Variants in HOOK3 observed in about 807,000 individuals in gnomAD.
HOOK3 encodes protein Hook homolog 3.
A neutral mutation model predicts 116.3 loss-of-function variants in HOOK3; 24 were observed. The ratio of observed to expected loss-of-function variants is 0.21; its 90% CI spans 0.15 to 0.29. The LOEUF is 0.29. Among genes scored for constraint, HOOK3 ranks in the 10% least tolerant of loss-of-function variants. HOOK3 has a pLI of 1.00. For synonymous variants in HOOK3, 275 were observed against 283.0 expected (o/e 0.97, Z 0.28); for missense variants, 632 against 830.2 (o/e 0.76, Z 2.93).
intron 15 of HOOK3, among the ~76,000 whole-genome samples, chr8:42,990,060 G>A (rs1809128290): frequency 6.6e-6 from 1 of 151,712 alleles, no homozygotes; most frequent in Non-Finnish European, 1.5e-5. Context: ...GCAGTGGTAT[G>A]ATCACAGCTC....
At chr8:43,011,322 T>A (rs1281177176) in intron 19 of HOOK3, among the ~76,000 whole-genome samples, 1 of 152,118 alleles carries the variant, frequency 6.6e-6, no homozygotes, top group Non-Finnish European at 1.5e-5. Context: ...CAGATGATAA[T>A]GCTTTGTGAT....
intron 15 of HOOK3, among the ~76,000 whole-genome samples, chr8:42,990,606 G>T (rs775985296): frequency 6.6e-6 from 1 of 152,010 alleles, no homozygotes; most frequent in Non-Finnish European, 1.5e-5. Context: ...CTCCCAAAGT[G>T]CTGGGATTAC....
chr8:42,934,355 T>C (rs1345961814), intron 4 of HOOK3, among the ~76,000 whole-genome samples: 1 of 152,194 alleles, frequency 6.6e-6, no homozygotes, highest in East Asian at 1.9e-4. Flanking sequence ...CTCTTATCTC[T>C]ATGAGAATAT....
At chr8:43,007,531 C>A (rs999269288) in intron 17 of HOOK3, among the ~76,000 whole-genome samples, 3 of 152,052 alleles carry the variant, frequency 2.0e-5, no homozygotes, top group Non-Finnish European at 4.4e-5. Flanking sequence ...TTTAGAACTT[C>A]ATTTTTTTGC....
intron 17 of HOOK3, among the ~76,000 whole-genome samples, chr8:43,004,786 T>C (rs1293572388): frequency 6.6e-6 from 1 of 151,074 alleles, no homozygotes; most frequent in Non-Finnish European, 1.5e-5. Flanking sequence ...TGTTGAGCAA[T>C]GGCAATTCTC....
intron 2 of HOOK3, among the ~76,000 whole-genome samples, chr8:42,924,076 A>G (rs1807714767): frequency 6.6e-6 from 1 of 152,176 alleles, no homozygotes; most frequent in Admixed American, 6.5e-5. Context: ...GTTACAGTAA[A>G]AGTTGAAACA....
chr8:42,953,140 A>C (rs2130400758), intron 6 of HOOK3, among the ~76,000 whole-genome samples: 1 of 152,178 alleles, frequency 6.6e-6, no homozygotes. Flanking sequence ...TCATGGACCC[A>C]ACCAAAATTC....
intron 11 of HOOK3, among the ~76,000 whole-genome samples, chr8:42,970,900 A>G (rs1808715864): frequency 6.9e-6 from 1 of 144,758 alleles, no homozygotes; most frequent in South Asian, 2.2e-4. Flanking sequence ...TGATCCTTCC[A>G]TCTCAGCCTG....
intron 18 of HOOK3, among the ~76,000 whole-genome samples, 177 bp from the exon 19 acceptor site, chr8:43,010,127 AT>A (rs1048086067): frequency 6.6e-6 from 1 of 150,404 alleles, no homozygotes; most frequent in African/African-American, 2.4e-5. Context: ...AAAATTCTGA[AT>A]TTTTTTAAAA....
intron 15 of HOOK3, among the ~76,000 whole-genome samples, chr8:42,995,384 C>T (rs1379092767): frequency 6.6e-6 from 1 of 152,152 alleles, no homozygotes; most frequent in East Asian, 1.9e-4. Context: ...TATCTTTCCT[C>T]ACCTTTCTAC....
chr8:42,982,264 A>G (rs1442811465), intron 13 of HOOK3, among the ~76,000 whole-genome samples: 2 of 142,176 alleles, frequency 1.4e-5, no homozygotes, highest in Admixed American at 6.8e-5. Context: ...TAAAAAAAAA[A>G]AAAAAAGAAA....
At position 43,027,874 on chromosome 8, in the gene HOOK3, C is replaced by T; in HGVS notation, c.*9376C>T. ...AGACAGTACAGGTATAGAACATTTC[C>T]AGTATTGCCAAAAATGCTATTCAAC... On this transcript the variant is annotated 3_prime_UTR_variant, in exon 22 of 22. Coordinates refer to ENST00000307602, the MANE Select transcript of HOOK3 (RefSeq NM_032410.4). 5.0e-6 allele frequency: 1 copy of T among 200,854 alleles called. No homozygotes were observed. The highest frequency in any genetic ancestry group is 1.0e-5 in the Non-Finnish European group (1 of 97,448). The allele number at this position is 200,854 out of a possible 1,614,324, so 12.4% of individuals were successfully genotyped here.
intron 3 of HOOK3, among the ~76,000 whole-genome samples, chr8:42,928,599 C>G (rs371967938): frequency 2.6e-5 from 4 of 152,264 alleles, no homozygotes; most frequent in African/African-American, 4.8e-5. Flanking sequence ...CAGATAGATA[C>G]ACATATACTG....
chr8:43,013,265 A>ATT (rs1182897291), intron 20 of HOOK3, 64 bp from the exon 21 acceptor site: 1 of 1,414,584 alleles, frequency 7.1e-7, no homozygotes, highest in Admixed American at 2.2e-5. Flanking sequence ...AATTGTAAGT[A>ATT]TTTTATTTAT....
At chr8:42,983,029 G>A (rs1586621282) in intron 14 of HOOK3, among the ~76,000 whole-genome samples, 1 of 152,274 alleles carries the variant, frequency 6.6e-6, no homozygotes, top group South Asian at 2.1e-4. Flanking sequence ...AAAATTATTA[G>A]TTATTAAGAT....
intron 15 of HOOK3, among the ~76,000 whole-genome samples, chr8:42,992,363 G>A (rs1809180588): frequency 7.4e-6 from 1 of 135,742 alleles, no homozygotes; most frequent in Admixed American, 8.2e-5. Flanking sequence ...TCATGCCACT[G>A]CACTCCAGCC....
chr8:43,030,212 C>A lies in HOOK3; in HGVS notation c.*11714C>A, dbSNP rs1052654. 0.11 allele frequency: 22,746 copies of A among 198,400 alleles called. 1,912 individuals are homozygous for A. Among genetic ancestry groups the A allele is most frequent in the African/African-American group, 0.25 (10,823 of 43,446 alleles). 12.3% of individuals were successfully genotyped at this position (198,400 alleles called of 1,614,324 possible). A position where few individuals can be genotyped will look rare whatever the true frequency, so the allele number is the denominator to read the frequency against. On this transcript the variant is annotated 3_prime_UTR_variant, in exon 22 of 22. Coordinates refer to ENST00000307602, the MANE Select transcript of HOOK3 (RefSeq NM_032410.4). ...TTTTTCTGAGGTGAATGACTTGTTA[C>A]AGAGCCTCAGTAAGAAATTTCAACT...
rs544508971 is a variant in HOOK3 at position 42,965,977 on chromosome 8, C to G, written c.780-496C>G. ...CTTCAGCCAAAAAACAACATGTCAC[C>G]AACAGATGAATGTAGAAACAAATAT... On this transcript the variant is annotated intron_variant, in intron 9 of 21. Coordinates refer to ENST00000307602, the MANE Select transcript of HOOK3 (RefSeq NM_032410.4). Among the ~76,000 whole-genome samples, 129 of 152,152 alleles carry G rather than the reference C, an allele frequency of 8.5e-4. 1 individual carries two copies. In the South Asian group the frequency reaches 0.011, roughly 13 times the overall value.
chr8:42,902,267 T>TCC (rs1807205185), intron 1 of HOOK3, among the ~76,000 whole-genome samples: 1 of 149,640 alleles, frequency 6.7e-6, no homozygotes, highest in South Asian at 2.1e-4. Context: ...GTATTCTCTC[T>TCC]CTCTCTCTCT....
Sources: gnomAD v4.1 joint callset for allele counts (sites outside exome capture counted in the v4.1 genomes callset) on GRCh38, gnomAD v4.1.1 for gene constraint, MANE v1.5 for transcripts, NCBI Gene and HGNC (gene_info 2026-07-23, HGNC 2026-07-21) for gene names.